The following GPC5 variants were observed in gnomAD, a reference collection of about 807,000 sequenced individuals.
GPC5 encodes the protein glypican 5.
In GPC5, 47 loss-of-function variants were observed where a neutral mutation model predicts 53.9. That is an observed-to-expected ratio of 0.87 (90% CI 0.69 to 1.11). The LOEUF is 1.11. GPC5 is among the 50% of genes most tolerant of loss of function. The pLI, the probability that GPC5 is intolerant of heterozygous loss-of-function variation, is 0.00. For missense variants in GPC5, 748 were observed against 713.1 expected (o/e 1.05, Z -0.56); for synonymous variants, 286 against 263.3 (o/e 1.09, Z -0.84).
At chr13:92,471,865 G>A (rs576837663) in intron 7 of GPC5, among the ~76,000 whole-genome samples, 17 of 152,180 alleles carry the variant, frequency 1.1e-4, no homozygotes, top group African/African-American at 3.6e-4. Flanking sequence ...GGAGCTGGAG[G>A]GTGAAATAAG....
Position 91,936,122 on chromosome 13 carries a change from A to G in GPC5, c.1401+28065A>G, listed in dbSNP as rs147888740. Among the ~76,000 whole-genome samples the G allele has an allele frequency of 3.9e-4, 59 of 152,216 alleles. 1 individual carries two copies. In the East Asian group the frequency reaches 0.01, roughly 26 times the overall value. ...CATAACAGTGATTGTATTAACTAGGATAAGCAAACTGTTATAAAAGATGAT... is the reference window on the plus strand; with the variant it reads ...CATAACAGTGATTGTATTAACTAGGGTAAGCAAACTGTTATAAAAGATGAT... On this transcript the variant is annotated intron_variant, in intron 6 of 7. Coordinates refer to ENST00000377067, the MANE Select transcript of GPC5 (RefSeq NM_004466.6).
rs1566446337 is a variant in GPC5 at position 92,125,923 on chromosome 13, G to GTTTTTTTT, written c.1402-18907_1402-18906insTTTTTTTT. Among the ~76,000 whole-genome samples the GTTTTTTTT allele has an allele frequency of 4.6e-4, 19 of 41,536 alleles. 8 individuals carry two copies. Among genetic ancestry groups the GTTTTTTTT allele is most frequent in the African/African-American group, 2.2e-4 (3 of 13,610 alleles). 27.2% of individuals were successfully genotyped at this position (41,536 alleles called of 152,430 possible). A position where few individuals can be genotyped will look rare whatever the true frequency, so the allele number is the denominator to read the frequency against. On this transcript the variant is annotated intron_variant, in intron 6 of 7. Transcript: ENST00000377067. ...ATTAGAAAGGAAACATTTGTTTTTTGGTTTTTTTTTTTTTTTTTTTTTTTT... is the reference window on the plus strand; with the variant it reads ...ATTAGAAAGGAAACATTTGTTTTTTGTTTTTTTTGTTTTTTTTTTTTTTTTTTTTTTTT...
At chr13:92,004,546 T>A (rs2040589335) in intron 6 of GPC5, among the ~76,000 whole-genome samples, 1 of 146,604 alleles carries the variant, frequency 6.8e-6, no homozygotes, top group South Asian at 2.1e-4. Context: ...TATATGACTC[T>A]ATTCATGCAA....
At chr13:91,562,296 A>T (rs572429281) in intron 2 of GPC5, among the ~76,000 whole-genome samples, 1 of 152,090 alleles carries the variant, frequency 6.6e-6, no homozygotes, top group East Asian at 1.9e-4. Flanking sequence ...GGATGACTAA[A>T]ATGTGGAAAA....
chr13:92,245,752 G>A (rs2042645812), intron 7 of GPC5, among the ~76,000 whole-genome samples: 1 of 151,828 alleles, frequency 6.6e-6, no homozygotes, highest in Non-Finnish European at 1.5e-5. Flanking sequence ...AAATAATGTT[G>A]GCACTACATA....
At chr13:92,322,931 C>T (rs1339613054) in intron 7 of GPC5, among the ~76,000 whole-genome samples, 1 of 151,900 alleles carries the variant, frequency 6.6e-6, no homozygotes, top group Non-Finnish European at 1.5e-5. Flanking sequence ...TTTGGATCAG[C>T]CCTCTACCTG....
In GPC5 at chr13:92,861,184, A is replaced by G. The variant is rs74635814; in HGVS notation, c.1562-5098A>G. Among the ~76,000 whole-genome samples, 12 of 152,194 alleles carry G rather than the reference A, an allele frequency of 7.9e-5. No individual in the cohort carries two copies. In the East Asian group the frequency reaches 2.3e-3, roughly 29 times the overall value. ...AATGCACCTTAATTTTCTTAACCCA[A>G]TTCCCTACCAATTGGCACTTAATTT... is the stretch of plus-strand genomic sequence containing the variant. On this transcript the variant is annotated intron_variant, in intron 7 of 7. Coordinates refer to ENST00000377067, the MANE Select transcript of GPC5 (RefSeq NM_004466.6).
intron 7 of GPC5, among the ~76,000 whole-genome samples, chr13:92,412,448 C>G (rs2139351099): frequency 6.6e-6 from 1 of 152,216 alleles, no homozygotes; most frequent in Non-Finnish European, 1.5e-5. Flanking sequence ...TATCTGTGTA[C>G]CCAGTCAAGC....
intron 2 of GPC5, among the ~76,000 whole-genome samples, chr13:91,561,624 G>A (rs2031267019): frequency 6.7e-6 from 1 of 148,968 alleles, no homozygotes; most frequent in Non-Finnish European, 1.5e-5. Flanking sequence ...CTATGAGCCT[G>A]GCATCAAGAA....
intron 6 of GPC5, among the ~76,000 whole-genome samples, chr13:92,085,473 G>A (rs1344207222): frequency 6.6e-6 from 1 of 152,150 alleles, no homozygotes; most frequent in African/African-American, 2.4e-5. Context: ...AGTAGTGAAG[G>A]GAAATAGAGC....
At chr13:91,520,593 T>A (rs1885750147) in intron 2 of GPC5, among the ~76,000 whole-genome samples, 1 of 152,134 alleles carries the variant, frequency 6.6e-6, no homozygotes, top group Admixed American at 6.6e-5. Context: ...TTTATAGATT[T>A]CCAACTTGTC....
At chr13:91,436,164 G>A (rs1315533325) in intron 1 of GPC5, among the ~76,000 whole-genome samples, 1 of 151,976 alleles carries the variant, frequency 6.6e-6, no homozygotes, top group Non-Finnish European at 1.5e-5. Flanking sequence ...TTTTTTGAAG[G>A]GTTTTTTGTG....
intron 7 of GPC5, among the ~76,000 whole-genome samples, chr13:92,509,128 T>G (rs1248987168): frequency 6.6e-6 from 1 of 152,186 alleles, no homozygotes; most frequent in Admixed American, 6.5e-5. Flanking sequence ...AATAGTTTGA[T>G]GTGAAGAATT....
chr13:92,546,996 A>T (rs944256923), intron 7 of GPC5, among the ~76,000 whole-genome samples: 2 of 152,186 alleles, frequency 1.3e-5, no homozygotes, highest in East Asian at 3.9e-4. Flanking sequence ...TCCCTTCCTT[A>T]CACCTTATAC....
chr13:91,507,863 T>C (rs79957108), intron 2 of GPC5, among the ~76,000 whole-genome samples: 96 of 152,334 alleles, frequency 6.3e-4, no homozygotes, highest in African/African-American at 2.1e-3. Context: ...CTTTGCTCTC[T>C]TAGCTTATCA....
rs541885909 is a variant in GPC5 at position 91,572,240 on chromosome 13, T to C, written c.326-120947T>C. ...ATATATATACACATATGTATATACA[T>C]GTGTATATATATACACATATGTATA... On this transcript the variant is annotated intron_variant, in intron 2 of 7. Transcript: ENST00000377067. Among the ~76,000 whole-genome samples, 113 of 126,512 alleles carry C rather than the reference T, an allele frequency of 8.9e-4. 6 individuals are homozygous for C. Among genetic ancestry groups the C allele is most frequent in the East Asian group, 1.8e-3 (9 of 4,950 alleles). 83.0% of individuals were successfully genotyped at this position (126,512 alleles called of 152,430 possible).
intron 2 of GPC5, among the ~76,000 whole-genome samples, chr13:91,662,389 G>A (rs1381418126): frequency 6.6e-6 from 1 of 152,146 alleles, no homozygotes; most frequent in Non-Finnish European, 1.5e-5. Flanking sequence ...GAAGTTTGCA[G>A]GATTAATTTG....
chr13:91,421,084 A>C lies in GPC5; in HGVS notation c.163+21875A>C, dbSNP rs1014655959. Among the ~76,000 whole-genome samples the C allele has an allele frequency of 2.0e-5, 3 of 152,358 alleles. No homozygotes were observed. The East Asian group carries it at 5.8e-4, about 29-fold the overall frequency. On this transcript the variant is annotated intron_variant, in intron 1 of 7. Coordinates refer to ENST00000377067, the MANE Select transcript of GPC5 (RefSeq NM_004466.6). ...CTACTCTATGAGGCATAATTATGCTATCAGGAGCATATTTCTACCAATCAT... is the reference window on the plus strand; with the variant it reads ...CTACTCTATGAGGCATAATTATGCTCTCAGGAGCATATTTCTACCAATCAT...
At chr13:92,528,184 TGTACATTTTA>T (rs1881433402) in intron 7 of GPC5, among the ~76,000 whole-genome samples, 1 of 152,164 alleles carries the variant, frequency 6.6e-6, no homozygotes, top group African/African-American at 2.4e-5. Flanking sequence ...TGTAAAATAC[TGTACATTTTA>T]GTATGGGAAT....
Sources: allele counts gnomAD v4.1 joint callset (sites outside exome capture counted in the v4.1 genomes callset), GRCh38; gene constraint gnomAD v4.1.1; transcripts MANE v1.5; gene names NCBI Gene and HGNC (gene_info 2026-07-23, HGNC 2026-07-21).